The following MYO15A variants were observed in gnomAD, a reference collection of about 807,000 sequenced individuals.
MYO15A encodes the protein unconventional myosin-XV.
In MYO15A, 308 loss-of-function variants were observed where a neutral mutation model predicts 394.6. The ratio of observed to expected loss-of-function variants is 0.78; its 90% CI spans 0.71 to 0.86. The LOEUF (loss-of-function observed/expected upper bound fraction) is 0.86, where lower values mean the gene tolerates loss of function less well. Among genes scored for constraint, MYO15A ranks in the 40% least tolerant of loss-of-function variants. The pLI is 0.00. For synonymous variants in MYO15A, 1,957 were observed against 2,003.8 expected, an observed-to-expected ratio of 0.98 and a Z score of 0.62; for missense variants, 4,606 against 4,799.1, an observed-to-expected ratio of 0.96 and a Z score of 1.19.
chr17:18,129,781 T>C (rs2046118501), intron 7 of MYO15A, among the ~76,000 whole-genome samples: 1 of 152,228 alleles, frequency 6.6e-6, no homozygotes. Flanking sequence ...GGGCAATGTG[T>C]CTGGCACACA....
chr17:18,148,026 C>T lies in MYO15A; in HGVS notation c.6510-3C>T. On this transcript the variant is annotated splice_polypyrimidine_tract_variant and splice_region_variant and intron_variant, in intron 30 of 65. Coordinates refer to ENST00000647165, the MANE Select transcript of MYO15A (RefSeq NM_016239.4). The surrounding 1 kb of genome is among the most constrained non-coding windows in gnomAD (Gnocchi z 4.8). Reference sequence around the variant, plus strand: ...GATCCTGGCTCCAACTCCTACCCATCAGGTTTGTGTCTGATTATGGGCGGA... The same window carrying T: ...GATCCTGGCTCCAACTCCTACCCATTAGGTTTGTGTCTGATTATGGGCGGA... The T allele has an allele frequency of 6.2e-7, 1 of 1,614,112 alleles. No homozygotes were observed. Among genetic ancestry groups the T allele is most frequent in the Non-Finnish European group, 8.5e-7 (1 of 1,180,030 alleles).
chr17:18,167,478 C>A, intron 61 of MYO15A, 112 bp from the exon 62 acceptor site: 1 of 1,540,458 alleles, frequency 6.5e-7, no homozygotes. Flanking sequence ...CCATCCTACC[C>A]CAGAAGAGGA....
In MYO15A at chr17:18,117,405, T is replaced by C. The variant is rs190259846; in HGVS notation, c.-219-1177T>C. On this transcript the variant is annotated intron_variant, in intron 1 of 65. Coordinates refer to ENST00000647165, the MANE Select transcript of MYO15A (RefSeq NM_016239.4). This position sits in a 1 kb window ranked among gnomAD's most constrained non-coding sequence, Gnocchi z 4.1. Reference sequence around the variant, plus strand: ...CACGTTGAGGCTCTGAAGCCACTGATCTGAGGGCGTGGAGCTGGCAAGTGG... The same window carrying C: ...CACGTTGAGGCTCTGAAGCCACTGACCTGAGGGCGTGGAGCTGGCAAGTGG... 3.3e-5 allele frequency among the ~76,000 whole-genome samples: 5 copies of C among 152,350 alleles called. No homozygotes were observed. The East Asian group carries it at 7.7e-4, about 23-fold the overall frequency.
In MYO15A at chr17:18,178,759, T is replaced by C. The variant is rs2047050172; in HGVS notation, c.10492-10T>C. The C allele has an allele frequency of 1.2e-6, 2 of 1,613,312 alleles. No homozygotes were observed. The highest frequency in any genetic ancestry group is 8.5e-7 in the Non-Finnish European group (1 of 1,179,334). ...GTTGGATGGGCGTGGACTGTCACTGTCACCTGCAGGGACTGGAACTGTGTC... is the reference window on the plus strand; with the variant it reads ...GTTGGATGGGCGTGGACTGTCACTGCCACCTGCAGGGACTGGAACTGTGTC... On this transcript the variant is annotated splice_polypyrimidine_tract_variant and intron_variant, in intron 65 of 65. Transcript: ENST00000647165.
At chr17:18,126,025 T>C (rs563039793) in intron 4 of MYO15A, among the ~76,000 whole-genome samples, 1 of 152,342 alleles carries the variant, frequency 6.6e-6, no homozygotes, top group African/African-American at 2.4e-5. Flanking sequence ...AGTGGAGGTT[T>C]GCCCTCAACA....
chr17:18,138,751 A>G (rs2142327845), intron 17 of MYO15A, 60 bp from the exon 18 acceptor site: 1 of 1,602,292 alleles, frequency 6.2e-7, no homozygotes. Flanking sequence ...GGTTGCCACC[A>G]GGCCAGGAAC....
rs561642125 is a variant in MYO15A, at chr17:18,140,839, G to A, written c.5406+7G>A. ...GAAGCCCAACCACAAGAAGGTGAGT[G>A]AGAGCTGAGGCCTCTGAGAGAGCCA... is the stretch of plus-strand genomic sequence containing the variant. On this transcript the variant is annotated splice_region_variant and intron_variant, in intron 21 of 65. Coordinates refer to ENST00000647165, the MANE Select transcript of MYO15A (RefSeq NM_016239.4). 7.4e-6 allele frequency: 12 copies of A among 1,614,080 alleles called. No homozygotes were observed. Among genetic ancestry groups the A allele is most frequent in the South Asian group, 1.1e-5 (1 of 91,082 alleles).
At chr17:18,130,864 G>GTGTGTC in intron 8 of MYO15A, 54 bp downstream of exon 8, 1 of 1,501,702 alleles carries the variant, frequency 6.7e-7, no homozygotes, top group South Asian at 1.2e-5. Flanking sequence ...GTGTGTGTGT[G>GTGTGTC]TGTGTGTCTG....
At chr17:18,152,037 A>G in intron 41 of MYO15A, 75 bp from the exon 42 acceptor site, 1 of 1,537,502 alleles carries the variant, frequency 6.5e-7, no homozygotes, top group Non-Finnish European at 8.8e-7. Flanking sequence ...CTACCCCTAT[A>G]AGCTGTGGCC....
At chr17:18,139,258 A>G (rs184117511) in intron 18 of MYO15A, 17 of 604,658 alleles carry the variant, frequency 2.8e-5, no homozygotes, top group Admixed American at 2.5e-4. Flanking sequence ...CCTGCCCTGG[A>G]GGTGTCTCAG....
chr17:18,135,620 C>CATG, intron 12 of MYO15A, 91 bp from the exon 13 acceptor site: 1 of 1,259,688 alleles, frequency 7.9e-7, no homozygotes, highest in South Asian at 1.3e-5. Context: ...GGACTACTGG[C>CATG]ATGAGCCACA....
rs530149394 is a variant in MYO15A at position 18,163,167 on chromosome 17, C to G, written c.9613-77C>G. ...AGCCCAGGATCCTTTGGCTTGGGAACTCCCAGGGCAGGAGACAAGGGCTGT... is the reference window on the plus strand; with the variant it reads ...AGCCCAGGATCCTTTGGCTTGGGAAGTCCCAGGGCAGGAGACAAGGGCTGT... On this transcript the variant is annotated intron_variant, in intron 58 of 65. Coordinates refer to ENST00000647165, the MANE Select transcript of MYO15A (RefSeq NM_016239.4). The G allele has an allele frequency of 2.0e-6, 3 of 1,489,304 alleles. No homozygotes were observed. In the Admixed American group the frequency reaches 5.0e-5, roughly 25 times the overall value. The allele number at this position is 1,489,304 out of a possible 1,614,324, so 92.3% of individuals were successfully genotyped here.
At chr17:18,162,805 GC>G in intron 58 of MYO15A, 126 bp downstream of exon 58, 2 of 969,508 alleles carry the variant, frequency 2.1e-6, no homozygotes, top group Non-Finnish European at 3.2e-6. Context: ...TTCGAGACCA[GC>G]CTGGCCAACA....
chr17:18,148,140 C>T lies in MYO15A; in HGVS notation c.6621C>T (p.Pro2207=), dbSNP rs1409680320. Residue 2207 remains proline, a synonymous_variant, in exon 31 of 66, where the codon CCC becomes CCT. Coordinates refer to ENST00000647165, the MANE Select transcript of MYO15A (RefSeq NM_016239.4). The surrounding 1 kb of genome is among the most constrained non-coding windows in gnomAD (Gnocchi z 4.8). Reference sequence around the variant, plus strand: ...GCTCGGGGGCTGCCCGCACCTTACCCCCGACCCAGCTCGAGTGGACAGCGA... The same window carrying T: ...GCTCGGGGGCTGCCCGCACCTTACCTCCGACCCAGCTCGAGTGGACAGCGA... ...QQGSGAARTL[P]PTQLEWTATY... is the part of the protein sequence containing the mutation. 6.2e-7 allele frequency: 1 copy of T among 1,613,854 alleles called. No homozygotes were observed. Among genetic ancestry groups the T allele is most frequent in the Non-Finnish European group, 8.5e-7 (1 of 1,180,026 alleles).
At chr17:18,159,374 C>T in intron 54 of MYO15A, 27 bp downstream of exon 54, 6 of 1,613,016 alleles carry the variant, frequency 3.7e-6, no homozygotes, top group Non-Finnish European at 5.1e-6. Flanking sequence ...GCAGCCAGGG[C>T]TCTGGGCTAG....
At chr17:18,154,235 C>T (rs917590715) in intron 44 of MYO15A, 45 bp downstream of exon 44, 4 of 1,605,312 alleles carry the variant, frequency 2.5e-6, no homozygotes, top group Admixed American at 1.7e-5. Context: ...CTCAGCAGGG[C>T]TGTGTGGACG....
chr17:18,137,958 G>T, intron 16 of MYO15A, 157 bp from the exon 17 acceptor site: 1 of 1,093,990 alleles, frequency 9.1e-7, no homozygotes, highest in Non-Finnish European at 1.3e-6. Flanking sequence ...CCCTGAGTTG[G>T]CTCATGCTGC....
chr17:18,141,450 C>A (rs2046378638), intron 22 of MYO15A, among the ~76,000 whole-genome samples: 1 of 152,200 alleles, frequency 6.6e-6, no homozygotes, highest in African/African-American at 2.4e-5. Flanking sequence ...GTACTGAAAT[C>A]ATCTATTATA....
rs1398148538 is a variant in MYO15A, at chr17:18,121,814, C to T, written c.3014C>T (p.Ala1005Val). ...EPGPGQLTKS[A>V]GPTPEKPEEE... The stretch of plus-strand genomic sequence containing the variant: ...GGGCCTGGACAGCTCACCAAATCAG[C>T]TGGCCCAACCCCTGAGAAGCCTGAA... The change falls in exon 2 of 66, where the codon GCT becomes GTT. Residue 1005 changes from alanine to valine, a missense_variant. Physicochemically the swap from Ala to Val is moderately conservative, Grantham distance 64. Around this residue, in one of 2 missense-constraint regions of MYO15A, gnomAD observed 1,830 missense variants for 1,689.7 expected, o/e 1.08. Transcript: ENST00000647165. This position sits in a 1 kb window ranked among gnomAD's most constrained non-coding sequence, Gnocchi z 5.3. 1 of 1,612,722 alleles carries T rather than the reference C, an allele frequency of 6.2e-7. No homozygotes were observed. The highest frequency in any genetic ancestry group is 8.5e-7 in the Non-Finnish European group (1 of 1,179,924).
Sources: allele counts gnomAD v4.1 joint callset (sites outside exome capture counted in the v4.1 genomes callset), GRCh38; gene constraint gnomAD v4.1.1; regional missense constraint gnomAD v4.1.1; non-coding constraint Gnocchi (gnomAD v3.1); transcripts MANE v1.5; gene names NCBI Gene and HGNC (gene_info 2026-07-23, HGNC 2026-07-21).